HCRTR2: variants seen among roughly 807,000 people sequenced by gnomAD.
HCRTR2 encodes the protein orexin receptor type 2.
Under a neutral mutation model 49.0 loss-of-function variants are expected in HCRTR2, and 22 were observed. The observed-to-expected ratio is 0.45, with a 90% CI of 0.32 to 0.64. The LOEUF (loss-of-function observed/expected upper bound fraction) is 0.64. Ranked by LOEUF, HCRTR2 falls within the 30% of genes least tolerant of loss-of-function variation. The probability of loss-of-function intolerance (pLI) is 0.04; values close to 1 mark genes in which losing one functional copy is unlikely to be tolerated. For synonymous variants in HCRTR2, 236 were observed against 205.3 expected, an observed-to-expected ratio of 1.15 and a Z score of -1.28; for missense variants, 491 against 559.4, an observed-to-expected ratio of 0.88 and a Z score of 1.23.
At chr6:55,223,942 G>A (rs1021350112) in intron 1 of HCRTR2, among the ~76,000 whole-genome samples, 1 of 152,090 alleles carries the variant, frequency 6.6e-6, no homozygotes, top group Non-Finnish European at 1.5e-5. Context: ...TACTTAATAA[G>A]CAATGAAATA....
At chr6:55,233,211 C>A (rs1309926180) in intron 1 of HCRTR2, among the ~76,000 whole-genome samples, 2 of 151,974 alleles carry the variant, frequency 1.3e-5, no homozygotes, top group Non-Finnish European at 1.5e-5. Context: ...GCCTCGGCAT[C>A]CCGAGTAGCT....
intron 1 of HCRTR2, among the ~76,000 whole-genome samples, chr6:55,155,501 C>T (rs1352241599): frequency 1.3e-5 from 2 of 152,042 alleles, no homozygotes; most frequent in South Asian, 2.1e-4. Context: ...CAATCTAAAA[C>T]ATCAGATGAT....
intron 1 of HCRTR2, among the ~76,000 whole-genome samples, chr6:55,221,087 T>C (rs1765881535): frequency 6.6e-6 from 1 of 152,182 alleles, no homozygotes; most frequent in Non-Finnish European, 1.5e-5. Flanking sequence ...TCTGTTTTCA[T>C]GGGTTAGAAA....
intron 1 of HCRTR2, among the ~76,000 whole-genome samples, chr6:55,128,573 T>C (rs1764312554): frequency 6.6e-6 from 1 of 152,228 alleles, no homozygotes; most frequent in Non-Finnish European, 1.5e-5. Flanking sequence ...TATTTTTCAT[T>C]TGTTTAGGTC....
At chr6:55,145,598 G>C (rs749963926) in intron 1 of HCRTR2, among the ~76,000 whole-genome samples, 1 of 151,960 alleles carries the variant, frequency 6.6e-6, no homozygotes, top group Non-Finnish European at 1.5e-5. Flanking sequence ...TGTATTTTTA[G>C]TAGAGACGGG....
intron 5 of HCRTR2, 126 bp from the exon 6 acceptor site, chr6:55,280,197 A>C (rs1767161552): frequency 1.5e-6 from 1 of 686,204 alleles, no homozygotes; most frequent in African/African-American, 1.8e-5. Flanking sequence ...TGGGGTCAGA[A>C]ACCAATCTGT....
chr6:55,187,828 G>C (rs1009087607), intron 1 of HCRTR2, among the ~76,000 whole-genome samples: 2 of 151,998 alleles, frequency 1.3e-5, no homozygotes, highest in African/African-American at 4.8e-5. Context: ...CCAGACTGGA[G>C]TGCAGTGGCG....
At chr6:55,127,615 T>G (rs1764299490) in intron 1 of HCRTR2, among the ~76,000 whole-genome samples, 1 of 152,178 alleles carries the variant, frequency 6.6e-6, no homozygotes, top group Non-Finnish European at 1.5e-5. Flanking sequence ...GTTGTTGTTT[T>G]GATTCCTTCC....
upstream of HCRTR2, among the ~76,000 whole-genome samples, chr6:55,170,945 T>G (rs1156396158): frequency 6.6e-6 from 1 of 152,076 alleles, no homozygotes; most frequent in Non-Finnish European, 1.5e-5. Flanking sequence ...TATTCCATGG[T>G]GTATATGTGC....
Position 55,282,574 on chromosome 6 carries a change from T to C in HCRTR2, c.*120T>C. On this transcript the variant is annotated 3_prime_UTR_variant, in exon 7 of 7. Transcript: ENST00000370862. ...AATTACTTGTGGATCTTTTTTTTTT[T>C]TAATCTATTGCTCTTTGGAAATAAA... 1 of 661,828 alleles carries C rather than the reference T, an allele frequency of 1.5e-6. No individual in the cohort carries two copies. Among genetic ancestry groups the C allele is most frequent in the South Asian group, 1.7e-5 (1 of 57,588 alleles). 41.0% of individuals were successfully genotyped at this position (661,828 alleles called of 1,614,324 possible). A position where few individuals can be genotyped will look rare whatever the true frequency, so the allele number is the denominator to read the frequency against.
At chr6:55,259,816 G>A (rs999810029) in intron 3 of HCRTR2, among the ~76,000 whole-genome samples, 1 of 152,038 alleles carries the variant, frequency 6.6e-6, no homozygotes, top group Non-Finnish European at 1.5e-5. Flanking sequence ...ATATACAAAT[G>A]TCTTAAATAC....
At chr6:55,171,321 T>G (rs1764946597), upstream of HCRTR2, among the ~76,000 whole-genome samples, 1 of 152,204 alleles carries the variant, frequency 6.6e-6, no homozygotes, top group Admixed American at 6.5e-5. Flanking sequence ...CATTTAATTC[T>G]TTTAACAACC....
chr6:55,234,019 A>G (rs1485306096), intron 1 of HCRTR2, among the ~76,000 whole-genome samples: 1 of 152,178 alleles, frequency 6.6e-6, no homozygotes, highest in Non-Finnish European at 1.5e-5. Flanking sequence ...AAATTCATTT[A>G]ATGTGATCCA....
chr6:55,253,215 C>A (rs1332558221), intron 2 of HCRTR2, among the ~76,000 whole-genome samples: 1 of 151,876 alleles, frequency 6.6e-6, no homozygotes, highest in Non-Finnish European at 1.5e-5. Flanking sequence ...CACACACACA[C>A]ACGCAACACA....
upstream of HCRTR2, chr6:55,174,157 C>A: frequency 4.0e-5 from 8 of 201,082 alleles, no homozygotes; most frequent in Non-Finnish European, 8.2e-5. Flanking sequence ...TCACCCCCCA[C>A]CCCCCAAAAA....
chr6:55,281,700 GT>G (rs1176124576), intron 6 of HCRTR2, among the ~76,000 whole-genome samples: 1 of 152,050 alleles, frequency 6.6e-6, no homozygotes, highest in African/African-American at 2.4e-5. Context: ...TCCCCCTTCA[GT>G]TTTTGTTCTT....
chr6:55,200,360 G>T (rs1040566515), intron 1 of HCRTR2, among the ~76,000 whole-genome samples: 10 of 151,464 alleles, frequency 6.6e-5, no homozygotes, highest in Admixed American at 4.0e-4. Context: ...CGCCTCCTGG[G>T]TTCACGTGAT....
At chr6:55,155,425 G>A (rs1442290298) in intron 1 of HCRTR2, among the ~76,000 whole-genome samples, 2 of 151,906 alleles carry the variant, frequency 1.3e-5, no homozygotes, top group Admixed American at 6.6e-5. Context: ...TATTTAAATA[G>A]TGTGTTACAT....
At chr6:55,228,546 C>T (rs1448038957) in intron 1 of HCRTR2, among the ~76,000 whole-genome samples, 1 of 152,062 alleles carries the variant, frequency 6.6e-6, no homozygotes, top group African/African-American at 2.4e-5. Flanking sequence ...ATAATACTTT[C>T]TTCAATAATA....
Sources: gnomAD v4.1 joint callset for allele counts (sites outside exome capture counted in the v4.1 genomes callset) on GRCh38, gnomAD v4.1.1 for gene constraint, MANE v1.5 for transcripts, NCBI Gene and HGNC (gene_info 2026-07-23, HGNC 2026-07-21) for gene names.